The following CMC2 variants were observed in gnomAD, a reference collection of about 807,000 sequenced individuals.
CMC2 encodes the protein C-X9-C motif containing 2.
Under a neutral mutation model 7.5 loss-of-function variants are expected in CMC2, and 5 were observed. That is an observed-to-expected ratio of 0.66 (90% confidence interval 0.35 to 1.40). The LOEUF (loss-of-function observed/expected upper bound fraction) is 1.40, where lower values mean the gene tolerates loss of function less well. Among genes scored for constraint, CMC2 ranks in the 40% most tolerant of loss-of-function variants. CMC2 has a pLI of 0.04. For synonymous variants in CMC2, 37 were observed against 31.4 expected, an observed-to-expected ratio of 1.18 and a Z score of -0.60; for missense variants, 115 against 92.3, an observed-to-expected ratio of 1.25 and a Z score of -1.01.
chr16:80,988,398 T>C (rs1967705990), intron 2 of CMC2: 1 of 595,906 alleles, frequency 1.7e-6, no homozygotes, highest in Non-Finnish European at 3.0e-6. Flanking sequence ...AAAGATCAGT[T>C]AGGTAAAGTA....
rs1912159402 is a variant in CMC2 at position 80,974,768 on chromosome 16, T to G, written c.*1325A>C. Reference sequence around the variant, plus strand: ...AAATGTCTCATTTCTGTATTTCTACTGCCTGACACTAGGGGGACTGAATAA... The same window carrying G: ...AAATGTCTCATTTCTGTATTTCTACGGCCTGACACTAGGGGGACTGAATAA... On this transcript the variant is annotated 3_prime_UTR_variant, in exon 4 of 4. Transcript: ENST00000219400. 1 of 152,242 alleles carries G rather than the reference T, an allele frequency of 6.6e-6. No homozygotes were observed. Among genetic ancestry groups the G allele is most frequent in the Non-Finnish European group, 1.5e-5 (1 of 68,046 alleles). 9.4% of individuals were successfully genotyped at this position (152,242 alleles called of 1,614,324 possible). A position where few individuals can be genotyped will look rare whatever the true frequency, so the allele number is the denominator to read the frequency against.
At chr16:81,002,921 T>C (rs1968978564) in intron 1 of CMC2, among the ~76,000 whole-genome samples, 2 of 152,252 alleles carry the variant, frequency 1.3e-5, no homozygotes, top group Non-Finnish European at 2.9e-5. Flanking sequence ...AGCTACTACT[T>C]AACCTAAAGC....
chr16:80,992,208 A>C (rs935926753), intron 2 of CMC2, among the ~76,000 whole-genome samples: 1 of 152,178 alleles, frequency 6.6e-6, no homozygotes, highest in Non-Finnish European at 1.5e-5. Context: ...AAATTACAAA[A>C]CAGCTGTATA....
intron 2 of CMC2, chr16:80,982,949 G>T: frequency 5.4e-6 from 1 of 184,004 alleles, no homozygotes; most frequent in South Asian, 1.3e-4. Context: ...TGACATTACA[G>T]GAAAAAGTTG....
chr16:80,989,089 G>C (rs930300508), intron 2 of CMC2, among the ~76,000 whole-genome samples: 10 of 152,062 alleles, frequency 6.6e-5, no homozygotes, highest in Non-Finnish European at 1.0e-4. Context: ...TATTACCTAG[G>C]TAAGAAGCTA....
chr16:80,988,003 T>C (rs963454558), intron 2 of CMC2, among the ~76,000 whole-genome samples: 1 of 151,084 alleles, frequency 6.6e-6, no homozygotes, highest in Admixed American at 6.6e-5. Flanking sequence ...CAGGAGAGCC[T>C]GTCTCTAGGA....
Position 80,981,822 on chromosome 16 carries a change from T to C in CMC2, c.137A>G (p.Lys46Arg). ...YCNDVDRELR[K>R]CLKNEYVENR... ...TTTTCTTACCTCATTCTTCAGGCAT[T>C]TTCTCAACTCCCGATCAACATCATT... Residue 46 changes from lysine (K) to arginine (R), a missense_variant, in exon 3 of 4, where the codon AAA becomes AGA. Lys to Arg is a conservative substitution (Grantham distance 26). Coordinates refer to ENST00000219400, the MANE Select transcript of CMC2 (RefSeq NM_020188.5). The C allele has an allele frequency of 6.2e-7, 1 of 1,609,488 alleles. No homozygotes were observed. Among genetic ancestry groups the C allele is most frequent in the East Asian group, 2.2e-5 (1 of 44,724 alleles).
chr16:80,997,183 T>TCAA, intron 2 of CMC2, 131 bp downstream of exon 2: 1 of 655,566 alleles, frequency 1.5e-6, no homozygotes, highest in Non-Finnish European at 2.7e-6. Flanking sequence ...TATCAACTGC[T>TCAA]AATCTTGACT....
intron 3 of CMC2, chr16:80,978,392 C>A: frequency 7.9e-7 from 1 of 1,269,348 alleles, no homozygotes; most frequent in Non-Finnish European, 1.0e-6. Flanking sequence ...GCTAAGACAT[C>A]TCCAAAGGAA....
At chr16:80,980,792 G>A (rs1330857296) in intron 3 of CMC2, 2 of 698,918 alleles carry the variant, frequency 2.9e-6, no homozygotes, top group Non-Finnish European at 5.2e-6. Context: ...CTACTCAGGA[G>A]GCTGAGGTGG....
In CMC2 at chr16:80,970,630, T is replaced by C. The variant is rs1431728614; in HGVS notation, c.*5463A>G. 1 of 152,236 alleles carries C rather than the reference T, an allele frequency of 6.6e-6. No individual in the cohort carries two copies. Among genetic ancestry groups the C allele is most frequent in the East Asian group, 1.9e-4 (1 of 5,204 alleles). The allele number at this position is 152,236 out of a possible 1,614,324, so 9.4% of individuals were successfully genotyped here. A position where few individuals can be genotyped will look rare whatever the true frequency, so the allele number is the denominator to read the frequency against. ...ACATTGGAAAGAAACAAATGATTCA[T>C]TACTGTTACTATTCAAAAGTGATGT... On this transcript the variant is annotated 3_prime_UTR_variant, in exon 4 of 4. Coordinates refer to ENST00000219400, the MANE Select transcript of CMC2 (RefSeq NM_020188.5).
rs1911722165 is a variant in CMC2, at chr16:80,968,768, G to A, written c.*7325C>T. On this transcript the variant is annotated 3_prime_UTR_variant, in exon 4 of 4. Coordinates refer to ENST00000219400, the MANE Select transcript of CMC2 (RefSeq NM_020188.5). ...ACAAGAAAGGAAAGAAAATCCTTGG[G>A]GGTTGAAATCAGAGAGAACTGTAAA... 1 of 152,138 alleles carries A rather than the reference G, an allele frequency of 6.6e-6. No individual in the cohort carries two copies. Among genetic ancestry groups the A allele is most frequent in the African/African-American group, 2.4e-5 (1 of 41,412 alleles). 9.4% of individuals were successfully genotyped at this position (152,138 alleles called of 1,614,324 possible).
Position 80,971,281 on chromosome 16 carries a change from G to A in CMC2, c.*4812C>T, listed in dbSNP as rs1459989214. On this transcript the variant is annotated 3_prime_UTR_variant, in exon 4 of 4. Coordinates refer to ENST00000219400, the MANE Select transcript of CMC2 (RefSeq NM_020188.5). The stretch of plus-strand genomic sequence containing the variant: ...TACCTAAAAACACTCTCCCAGATTG[G>A]ACAAGAAGGTAAGTAAGAACGTTCA... 6.6e-6 allele frequency: 1 copy of A among 151,972 alleles called. No homozygotes were observed. Among genetic ancestry groups the A allele is most frequent in the Non-Finnish European group, 1.5e-5 (1 of 68,012 alleles). 9.4% of individuals were successfully genotyped at this position (151,972 alleles called of 1,614,324 possible).
intron 2 of CMC2, among the ~76,000 whole-genome samples, chr16:80,996,404 A>G (rs1258041053): frequency 6.6e-6 from 1 of 152,220 alleles, no homozygotes; most frequent in Non-Finnish European, 1.5e-5. Flanking sequence ...TAAACAGTGA[A>G]TATTTTATAT....
chr16:80,995,023 G>C (rs573790723), intron 2 of CMC2, among the ~76,000 whole-genome samples: 1 of 152,210 alleles, frequency 6.6e-6, no homozygotes, highest in African/African-American at 2.4e-5. Context: ...ACACACACCT[G>C]TAATCCCAGC....
chr16:81,003,241 T>C (rs1336428427), intron 1 of CMC2, among the ~76,000 whole-genome samples: 2 of 152,246 alleles, frequency 1.3e-5, no homozygotes, highest in African/African-American at 4.8e-5. Context: ...AAGACTATTC[T>C]AGTAACACAA....
At chr16:80,997,108 C>T (rs761761663) in intron 2 of CMC2, 9 of 579,576 alleles carry the variant, frequency 1.6e-5, no homozygotes, top group Non-Finnish European at 2.8e-5. Context: ...AACAAACTAC[C>T]ATGTCTGATT....
rs1218160933 is a variant in CMC2, at chr16:80,975,934, C to A, written c.*159G>T. Reference sequence around the variant, plus strand: ...TACTAAACGCCCTGCCCAACAAATACTCAGAATCCAGGGTTTTCATATTTC... The same window carrying A: ...TACTAAACGCCCTGCCCAACAAATAATCAGAATCCAGGGTTTTCATATTTC... On this transcript the variant is annotated 3_prime_UTR_variant, in exon 4 of 4. Coordinates refer to ENST00000219400, the MANE Select transcript of CMC2 (RefSeq NM_020188.5). 2 of 599,390 alleles carry A rather than the reference C, an allele frequency of 3.3e-6. No homozygotes were observed. Among genetic ancestry groups the A allele is most frequent in the African/African-American group, 3.8e-5 (2 of 53,060 alleles). The allele number at this position is 599,390 out of a possible 1,614,324, so 37.1% of individuals were successfully genotyped here. A position where few individuals can be genotyped will look rare whatever the true frequency, so the allele number is the denominator to read the frequency against.
At chr16:80,999,456 G>C (rs1019541274) in intron 1 of CMC2, among the ~76,000 whole-genome samples, 1 of 152,110 alleles carries the variant, frequency 6.6e-6, no homozygotes, top group African/African-American at 2.4e-5. Context: ...TCATGGATTG[G>C]GAGAATCAAT....
Sources: allele counts gnomAD v4.1 joint callset (sites outside exome capture counted in the v4.1 genomes callset), GRCh38; gene constraint gnomAD v4.1.1; transcripts MANE v1.5; gene names NCBI Gene and HGNC (gene_info 2026-07-23, HGNC 2026-07-21).